The following ELOVL6 variants were observed in gnomAD, a reference collection of about 807,000 sequenced individuals.
ELOVL6 encodes very long chain fatty acid elongase 6.
A neutral mutation model predicts 31.7 loss-of-function variants in ELOVL6; 8 were observed. The ratio of observed to expected loss-of-function variants is 0.25; its 90% confidence interval spans 0.15 to 0.45. The LOEUF (loss-of-function observed/expected upper bound fraction) is 0.45. ELOVL6 is among the 20% of genes least tolerant of loss of function. ELOVL6 has a pLI of 1.00. For missense variants in ELOVL6, 126 were observed against 326.4 expected (o/e 0.39, Z 4.73); for synonymous variants, 101 against 117.7 (o/e 0.86, Z 0.92).
At chr4:110,189,004 G>A (rs777595162) in intron 1 of ELOVL6, among the ~76,000 whole-genome samples, 11 of 152,136 alleles carry the variant, frequency 7.2e-5, no homozygotes, top group Non-Finnish European at 1.6e-4. Context: ...CTGTCTAGGT[G>A]TGGTGGTTTA....
At chr4:110,154,217 T>C (rs1295376935) in intron 1 of ELOVL6, among the ~76,000 whole-genome samples, 2 of 152,014 alleles carry the variant, frequency 1.3e-5, no homozygotes, top group Non-Finnish European at 2.9e-5. Context: ...GCTGGGACTA[T>C]AGGTGTGTGA....
intron 1 of ELOVL6, among the ~76,000 whole-genome samples, chr4:110,107,145 G>A (rs1004323637): frequency 6.6e-6 from 1 of 152,140 alleles, no homozygotes; most frequent in Non-Finnish European, 1.5e-5. Context: ...TGACTCATAA[G>A]GGACCTTGCT....
At position 110,046,045 on chromosome 4, in the gene ELOVL6, T is replaced by C. The variant is rs1265863425; in HGVS notation, c.*5293A>G. 6.6e-6 allele frequency: 1 copy of C among 152,086 alleles called. No homozygotes were observed. Among genetic ancestry groups the C allele is most frequent in the African/African-American group, 2.4e-5 (1 of 41,422 alleles). 9.4% of individuals were successfully genotyped at this position (152,086 alleles called of 1,614,324 possible). A position where few individuals can be genotyped will look rare whatever the true frequency, so the allele number is the denominator to read the frequency against. On this transcript the variant is annotated 3_prime_UTR_variant, in exon 4 of 4. Transcript: ENST00000302274. ...CCAAGAAGCTGAATCTTCCAGTGGT[T>C]TTCAAGATAGCAGCAAGCAACCTCC...
intron 1 of ELOVL6, among the ~76,000 whole-genome samples, chr4:110,134,849 CTCA>C (rs1757771205): frequency 6.6e-6 from 1 of 151,982 alleles, no homozygotes; most frequent in Non-Finnish European, 1.5e-5. Flanking sequence ...GTCTCAGCTA[CTCA>C]GGAGGCTGGG....
intron 1 of ELOVL6, among the ~76,000 whole-genome samples, chr4:110,153,699 A>T (rs1019585467): frequency 6.6e-6 from 1 of 152,198 alleles, no homozygotes; most frequent in African/African-American, 2.4e-5. Context: ...GCTCCAACAT[A>T]TATAGAGAAA....
intron 1 of ELOVL6, among the ~76,000 whole-genome samples, chr4:110,166,760 C>T (rs10014941): frequency 0.025 from 3,741 of 152,222 alleles, 149 homozygotes; most frequent in African/African-American, 0.086. Flanking sequence ...AAGGAAACTC[C>T]GTCTTCCTTT....
At chr4:110,127,926 G>T (rs532228006) in intron 1 of ELOVL6, among the ~76,000 whole-genome samples, 4 of 151,986 alleles carry the variant, frequency 2.6e-5, no homozygotes, top group Admixed American at 1.3e-4. Flanking sequence ...TAAGGAAACA[G>T]GCTGGGCACA....
At chr4:110,076,633 C>T (rs1220510470) in intron 2 of ELOVL6, among the ~76,000 whole-genome samples, 3 of 152,182 alleles carry the variant, frequency 2.0e-5, no homozygotes, top group Admixed American at 1.3e-4. Context: ...ATAAGAACAG[C>T]TCCAGTCTAC....
intron 2 of ELOVL6, among the ~76,000 whole-genome samples, chr4:110,070,802 A>G (rs571039976): frequency 1.3e-5 from 2 of 152,180 alleles, no homozygotes; most frequent in East Asian, 3.9e-4. Context: ...CGCCTCCACC[A>G]TGATTGTAAG....
intron 2 of ELOVL6, among the ~76,000 whole-genome samples, chr4:110,060,498 CTG>C (rs1017136574): frequency 6.6e-6 from 1 of 152,060 alleles, no homozygotes; most frequent in African/African-American, 2.4e-5. Flanking sequence ...TCAATAAAGA[CTG>C]TTGAAAAAGT....
intron 2 of ELOVL6, among the ~76,000 whole-genome samples, chr4:110,076,289 G>A (rs1369806085): frequency 6.6e-6 from 1 of 152,156 alleles, no homozygotes; most frequent in Non-Finnish European, 1.5e-5. Flanking sequence ...ATTATATGAA[G>A]CATGAGACGG....
chr4:110,110,217 A>G (rs372762990), intron 1 of ELOVL6, among the ~76,000 whole-genome samples: 7 of 152,166 alleles, frequency 4.6e-5, no homozygotes, highest in African/African-American at 1.4e-4. Context: ...CTTTTTGCCA[A>G]TATGACATTT....
intron 1 of ELOVL6, among the ~76,000 whole-genome samples, chr4:110,116,571 T>C (rs531944403): frequency 6.6e-6 from 1 of 152,332 alleles, no homozygotes; most frequent in Admixed American, 6.5e-5. Context: ...ATATACAATT[T>C]ACTAAAATTA....
intron 2 of ELOVL6, among the ~76,000 whole-genome samples, chr4:110,071,720 G>A (rs1755489922): frequency 1.3e-5 from 2 of 152,162 alleles, no homozygotes; most frequent in African/African-American, 4.8e-5. Context: ...AGGCGTCTAA[G>A]CACCACTCCA....
At chr4:110,111,358 CTTTT>C (rs3033269) in intron 1 of ELOVL6, among the ~76,000 whole-genome samples, 1 of 144,894 alleles carries the variant, frequency 6.9e-6, no homozygotes, top group Non-Finnish European at 1.5e-5. Flanking sequence ...CTTAGAATTC[CTTTT>C]TTTTTTTCAG....
intron 1 of ELOVL6, among the ~76,000 whole-genome samples, chr4:110,176,695 A>G (rs74874270): frequency 0.061 from 9,241 of 152,308 alleles, 307 homozygotes; most frequent in South Asian, 0.12. Flanking sequence ...GACAAAGTGC[A>G]AGACTGGTTT....
At chr4:110,164,217 C>T (rs886465564) in intron 1 of ELOVL6, among the ~76,000 whole-genome samples, 1 of 152,084 alleles carries the variant, frequency 6.6e-6, no homozygotes, top group East Asian at 1.9e-4. Flanking sequence ...AATGAATGTG[C>T]TCAAGTTCAC....
chr4:110,190,261 G>C (rs751431579), intron 1 of ELOVL6, among the ~76,000 whole-genome samples: 99 of 150,422 alleles, frequency 6.6e-4, no homozygotes, highest in Non-Finnish European at 5.9e-4. Flanking sequence ...CTTTTTTTTT[G>C]TACAAAGTAA....
intron 2 of ELOVL6, among the ~76,000 whole-genome samples, chr4:110,100,081 G>T (rs746240516): frequency 6.6e-6 from 1 of 152,190 alleles, no homozygotes; most frequent in Non-Finnish European, 1.5e-5. Context: ...ATACAGAAAT[G>T]CCTGTCCTTG....
Sources: gnomAD v4.1 joint callset for allele counts (sites outside exome capture counted in the v4.1 genomes callset) on GRCh38, gnomAD v4.1.1 for gene constraint, MANE v1.5 for transcripts, NCBI Gene and HGNC (gene_info 2026-07-23, HGNC 2026-07-21) for gene names.